Variants in SCAMP3 observed in about 807,000 individuals in gnomAD.
SCAMP3 encodes the protein secretory carrier-associated membrane protein 3.
Under a neutral mutation model 44.1 loss-of-function variants are expected in SCAMP3, and 30 were observed. That is an observed-to-expected ratio of 0.68 (90% confidence interval 0.51 to 0.92). SCAMP3 has a LOEUF of 0.92. Among genes scored for constraint, SCAMP3 ranks in the 40% least tolerant of loss-of-function variants. The probability of loss-of-function intolerance (pLI) is 0.00; values close to 1 mark genes in which losing one functional copy is unlikely to be tolerated. For synonymous variants in SCAMP3, 168 were observed against 171.1 expected (o/e 0.98, Z 0.14); for missense variants, 394 against 440.0 (o/e 0.90, Z 0.93).
At chr1:155,257,755 A>G (rs1374148570) in intron 5 of SCAMP3, 98 bp from the exon 6 acceptor site, 1 of 1,220,004 alleles carries the variant, frequency 8.2e-7, no homozygotes, top group East Asian at 2.6e-5. Context: ...AACATGGCAG[A>G]GTAAGGAAAT....
chr1:155,257,390 CA>C lies in SCAMP3; in HGVS notation c.678-5del. 1 of 1,612,134 alleles carries C rather than the reference CA, an allele frequency of 6.2e-7. No individual in the cohort carries two copies. On this transcript the variant is annotated splice_polypyrimidine_tract_variant and splice_region_variant and intron_variant, in intron 6 of 8. Coordinates refer to ENST00000302631, the MANE Select transcript of SCAMP3 (RefSeq NM_005698.4). ...GAAATTGAATGAACTGTCACTCCTACAAAGAGGAAAAAAATGGGGAGGGTGG... is the reference window on the plus strand; with the variant it reads ...GAAATTGAATGAACTGTCACTCCTACAAGAGGAAAAAAATGGGGAGGGTGG...
chr1:155,262,161 T>C lies in SCAMP3; in HGVS notation c.-10A>G. The C allele has an allele frequency of 1.2e-6, 2 of 1,612,844 alleles. No homozygotes were observed. Among genetic ancestry groups the C allele is most frequent in the Non-Finnish European group, 1.7e-6 (2 of 1,179,772 alleles). ...CTCTGCTCTGAGCCATGTTTGCAAC[T>C]GCGGCCTCCGCGGCCCTCTGCCCTC... On this transcript the variant is annotated 5_prime_UTR_variant, in exon 1 of 9. Coordinates refer to ENST00000302631, the MANE Select transcript of SCAMP3 (RefSeq NM_005698.4).
intron 2 of SCAMP3, 196 bp downstream of exon 2, chr1:155,261,461 C>CA: frequency 3.2e-6 from 2 of 621,594 alleles, no homozygotes; most frequent in South Asian, 3.6e-5. Flanking sequence ...TTTTAGAGCT[C>CA]AAACCATTTG....
intron 4 of SCAMP3, among the ~76,000 whole-genome samples, chr1:155,259,511 A>G (rs1672900060): frequency 6.6e-6 from 1 of 152,090 alleles, no homozygotes; most frequent in Non-Finnish European, 1.5e-5. Flanking sequence ...ACAGACAGGT[A>G]CCATCATGCC....
intron 4 of SCAMP3, among the ~76,000 whole-genome samples, chr1:155,259,512 C>G (rs1047054349): frequency 6.6e-6 from 1 of 152,140 alleles, no homozygotes; most frequent in African/African-American, 2.4e-5. Context: ...CAGACAGGTA[C>G]CATCATGCCC....
At chr1:155,256,452 T>C (rs768685990) in intron 8 of SCAMP3, 33 bp from the exon 9 acceptor site, 7 of 1,554,402 alleles carry the variant, frequency 4.5e-6, no homozygotes, top group Admixed American at 1.8e-5. Context: ...TTACCGCCCA[T>C]TCCAGCCACT....
chr1:155,257,476 C>G lies in SCAMP3; in HGVS notation c.677+22G>C, dbSNP rs1259395287. The G allele has an allele frequency of 2.5e-6, 4 of 1,613,036 alleles. No individual in the cohort carries two copies. The Admixed American group carries it at 5.0e-5, about 20-fold the overall frequency. ...GGGCCCATCCCAGGTCTCCATCACT[C>G]TCCCACCACTAACACACTTACCGGA... On this transcript the variant is annotated intron_variant, in intron 6 of 8. Transcript: ENST00000302631.
intron 5 of SCAMP3, among the ~76,000 whole-genome samples, chr1:155,258,308 C>T (rs1167439316): frequency 2.8e-5 from 4 of 140,626 alleles, no homozygotes; most frequent in Non-Finnish European, 4.6e-5. Flanking sequence ...TGTGAGCCAC[C>T]GTGCCCGGCC....
intron 5 of SCAMP3, 91 bp downstream of exon 5, chr1:155,258,735 A>G: frequency 3.3e-6 from 4 of 1,215,998 alleles, no homozygotes; most frequent in East Asian, 2.5e-5. Flanking sequence ...AGTTCTAAAT[A>G]GAGGTGAAGT....
intron 2 of SCAMP3, 76 bp downstream of exon 2, chr1:155,261,581 C>T (rs1672962684): frequency 7.6e-7 from 1 of 1,309,406 alleles, no homozygotes; most frequent in South Asian, 1.2e-5. Flanking sequence ...GCAGAAAAGT[C>T]CCCTGTACCC....
At chr1:155,258,318 CTTTTTTTTTTTTTTTTTT>C (rs71996352) in intron 5 of SCAMP3, among the ~76,000 whole-genome samples, 8 of 86,594 alleles carry the variant, frequency 9.2e-5, no homozygotes, top group South Asian at 4.0e-4. Flanking sequence ...CGTGCCCGGC[CTTTTTTTTTTTTTTTTTT>C]TTTTTTTTTT....
At chr1:155,261,594 G>T in intron 2 of SCAMP3, 63 bp downstream of exon 2, 1 of 1,450,262 alleles carries the variant, frequency 6.9e-7, no homozygotes, top group Non-Finnish European at 9.7e-7. Context: ...CTGTACCCAA[G>T]CTAACTTGTC....
rs1672992043 is a variant in SCAMP3 at position 155,262,333 on chromosome 1, C to T, written c.-182G>A. 1.7e-6 allele frequency: 1 copy of T among 598,956 alleles called. No homozygotes were observed. The highest frequency in any genetic ancestry group is 2.9e-6 in the Non-Finnish European group (1 of 342,530). The allele number at this position is 598,956 out of a possible 1,614,324, so 37.1% of individuals were successfully genotyped here. ...CCGCAGCAGCCGTGGGTTGCGCCTG[C>T]GTCTTGTCCAAAAGCTAAGACGAAA... On this transcript the variant is annotated 5_prime_UTR_variant, in exon 1 of 9. Coordinates refer to ENST00000302631, the MANE Select transcript of SCAMP3 (RefSeq NM_005698.4).
chr1:155,262,241 C>A lies in SCAMP3; in HGVS notation c.-90G>T. 2 of 1,135,890 alleles carry A rather than the reference C, an allele frequency of 1.8e-6. No individual in the cohort carries two copies. The allele number at this position is 1,135,890 out of a possible 1,614,324, so 70.4% of individuals were successfully genotyped here. A position where few individuals can be genotyped will look rare whatever the true frequency, so the allele number is the denominator to read the frequency against. On this transcript the variant is annotated 5_prime_UTR_variant, in exon 1 of 9. Coordinates refer to ENST00000302631, the MANE Select transcript of SCAMP3 (RefSeq NM_005698.4). ...GGTAGCCCTCAGAGTCCACTTCACT[C>A]GCCTCAGTTCGCCCCGCTTCTCTGT...
At position 155,262,231 on chromosome 1, in the gene SCAMP3, CCACTT is replaced by C; in HGVS notation, c.-85_-81del. 1 of 1,305,402 alleles carries C rather than the reference CCACTT, an allele frequency of 7.7e-7. No homozygotes were observed. The highest frequency in any genetic ancestry group is 1.5e-5 in the African/African-American group (1 of 68,738). The allele number at this position is 1,305,402 out of a possible 1,614,324, so 80.9% of individuals were successfully genotyped here. ...TGGCGGTAGCGGTAGCCCTCAGAGT[CCACTT>C]CACTCGCCTCAGTTCGCCCCGCTTC... On this transcript the variant is annotated 5_prime_UTR_variant, in exon 1 of 9. Transcript: ENST00000302631.
chr1:155,260,251 C>G, intron 4 of SCAMP3, 79 bp downstream of exon 4: 2 of 1,569,540 alleles, frequency 1.3e-6, no homozygotes, highest in Non-Finnish European at 1.7e-6. Context: ...AGCCACCGCA[C>G]CCAGCCGAGC....
At chr1:155,261,989 A>G in intron 1 of SCAMP3, 97 bp downstream of exon 1, 1 of 1,281,614 alleles carries the variant, frequency 7.8e-7, no homozygotes, top group Non-Finnish European at 1.1e-6. Context: ...TCTTCCCAGG[A>G]TCAAATGTCA....
chr1:155,261,787 T>A, intron 1 of SCAMP3, 53 bp from the exon 2 acceptor site: 1 of 1,552,024 alleles, frequency 6.4e-7, no homozygotes, highest in South Asian at 1.1e-5. Context: ...CTAGGGGAAT[T>A]CCCAGGGACC....
Position 155,257,284 on chromosome 1 carries a change from C to T in SCAMP3, c.779+1G>A, listed in dbSNP as rs750134577. ...TGAGGGTGGATAACAGCCTCACAAA[C>T]CTGAATCCCCAACCTGGGATACCAA... On this transcript the variant is annotated splice_donor_variant, in intron 7 of 8. Transcript: ENST00000302631. LOFTEE classifies it high-confidence loss of function. 1 of 1,603,910 alleles carries T rather than the reference C, an allele frequency of 6.2e-7. No homozygotes were observed. The highest frequency in any genetic ancestry group is 8.5e-7 in the Non-Finnish European group (1 of 1,170,718).
Sources: allele counts gnomAD v4.1 joint callset (sites outside exome capture counted in the v4.1 genomes callset), GRCh38; gene constraint gnomAD v4.1.1; transcripts MANE v1.5; gene names NCBI Gene and HGNC (gene_info 2026-07-23, HGNC 2026-07-21).